DKK2: variants seen among roughly 807,000 people sequenced by gnomAD.
DKK2 encodes the protein dickkopf-related protein 2.
In DKK2, 11 loss-of-function variants were observed where a neutral mutation model predicts 28.1. That is an observed-to-expected ratio of 0.39 (90% CI 0.25 to 0.65). The LOEUF is 0.65. Ranked by LOEUF, DKK2 falls within the 30% of genes least tolerant of loss-of-function variation. DKK2 has a pLI of 0.47. For synonymous variants in DKK2, 135 were observed against 126.5 expected, an observed-to-expected ratio of 1.07 and a Z score of -0.45; for missense variants, 326 against 335.5, an observed-to-expected ratio of 0.97 and a Z score of 0.22.
chr4:106,934,388 G>A (rs1351553970), intron 1 of DKK2, among the ~76,000 whole-genome samples: 1 of 152,104 alleles, frequency 6.6e-6, no homozygotes, highest in Non-Finnish European at 1.5e-5. Flanking sequence ...TTTTCCTAGA[G>A]GCAGAGCTTT....
intron 1 of DKK2, among the ~76,000 whole-genome samples, chr4:106,982,354 A>C (rs1167758103): frequency 2.0e-5 from 3 of 152,170 alleles, no homozygotes; most frequent in African/African-American, 4.8e-5. Flanking sequence ...TAGTGTACTC[A>C]TCACCCCTTC....
chr4:107,024,837 T>C (rs934162580), intron 1 of DKK2, among the ~76,000 whole-genome samples: 1 of 152,216 alleles, frequency 6.6e-6, no homozygotes, highest in African/African-American at 2.4e-5. Flanking sequence ...CAAAATGATA[T>C]CCAATGCTCT....
chr4:107,000,053 T>C (rs1210716350), intron 1 of DKK2, among the ~76,000 whole-genome samples: 2 of 152,128 alleles, frequency 1.3e-5, no homozygotes, highest in Non-Finnish European at 2.9e-5. Context: ...AATGGGGTGA[T>C]AAAATAGAAT....
intron 1 of DKK2, among the ~76,000 whole-genome samples, chr4:106,953,635 A>C (rs1450027070): frequency 6.6e-6 from 1 of 152,124 alleles, no homozygotes; most frequent in Non-Finnish European, 1.5e-5. Context: ...AGAAGCTCAG[A>C]GGCTACTGAG....
At chr4:106,941,719 A>C (rs1367444897) in intron 1 of DKK2, among the ~76,000 whole-genome samples, 1 of 152,140 alleles carries the variant, frequency 6.6e-6, no homozygotes, top group Non-Finnish European at 1.5e-5. Flanking sequence ...AGGGTTAAGC[A>C]TCCTGCTAGA....
chr4:106,949,074 C>A (rs1466805474), intron 1 of DKK2, among the ~76,000 whole-genome samples: 1 of 152,096 alleles, frequency 6.6e-6, no homozygotes, highest in Non-Finnish European at 1.5e-5. Flanking sequence ...AAATGATGAT[C>A]TGTAAAATAG....
intron 1 of DKK2, among the ~76,000 whole-genome samples, chr4:106,960,131 T>TATATAC (rs1553921965): frequency 1.8e-4 from 26 of 147,266 alleles, no homozygotes; most frequent in Non-Finnish European, 1.1e-4. Flanking sequence ...TATATATATA[T>TATATAC]ACACACACAC....
At chr4:106,983,337 G>GAAGAAAGAAAGAAA (rs1723060026) in intron 1 of DKK2, among the ~76,000 whole-genome samples, 1 of 120,432 alleles carries the variant, frequency 8.3e-6, no homozygotes, top group African/African-American at 3.2e-5. Context: ...AGGAAGAAAG[G>GAAGAAAGAAAGAAA]AAGAAAGAAA....
chr4:107,001,199 G>A (rs1268574444), intron 1 of DKK2, among the ~76,000 whole-genome samples: 1 of 152,142 alleles, frequency 6.6e-6, no homozygotes, highest in African/African-American at 2.4e-5. Flanking sequence ...ACAAAGCCAA[G>A]TAATCTCAAG....
At chr4:106,954,910 T>G (rs562177335) in intron 1 of DKK2, among the ~76,000 whole-genome samples, 1 of 152,286 alleles carries the variant, frequency 6.6e-6, no homozygotes, top group Admixed American at 6.5e-5. Context: ...ACAGAACGCT[T>G]TATCTGTAGG....
rs180891383 is a variant in DKK2, at chr4:106,946,477, A to G, written c.223-20528T>C. Among the ~76,000 whole-genome samples the G allele has an allele frequency of 3.0e-4, 45 of 152,224 alleles. 1 individual carries two copies. The East Asian group carries it at 8.3e-3, about 28-fold the overall frequency. Reference sequence around the variant, plus strand: ...TGGCACATAGGGGTTCACTCATACTATTCTCTATATTTTTGTGTTATCTCT... The same window carrying G: ...TGGCACATAGGGGTTCACTCATACTGTTCTCTATATTTTTGTGTTATCTCT... On this transcript the variant is annotated intron_variant, in intron 1 of 3. Transcript: ENST00000285311.
At chr4:106,948,529 C>T (rs1355395496) in intron 1 of DKK2, among the ~76,000 whole-genome samples, 1 of 152,132 alleles carries the variant, frequency 6.6e-6, no homozygotes, top group Non-Finnish European at 1.5e-5. Flanking sequence ...AACTCACCAT[C>T]GGAATGAAAA....
intron 1 of DKK2, among the ~76,000 whole-genome samples, chr4:107,030,185 C>A (rs1033508718): frequency 6.6e-6 from 1 of 151,998 alleles, no homozygotes; most frequent in Non-Finnish European, 1.5e-5. Flanking sequence ...AAGAAAAGAA[C>A]CTACCAAATG....
At chr4:106,974,870 C>A (rs2110355609) in intron 1 of DKK2, among the ~76,000 whole-genome samples, 1 of 152,252 alleles carries the variant, frequency 6.6e-6, no homozygotes, top group East Asian at 1.9e-4. Flanking sequence ...ATGTTATTGG[C>A]TGTGGATCTG....
intron 1 of DKK2, among the ~76,000 whole-genome samples, chr4:106,979,692 C>T (rs893420297): frequency 6.6e-6 from 1 of 152,188 alleles, no homozygotes; most frequent in Admixed American, 6.5e-5. Context: ...ATCATGAGGG[C>T]TTGCACGTGT....
intron 1 of DKK2, among the ~76,000 whole-genome samples, chr4:106,964,024 A>G (rs1722730916): frequency 6.6e-6 from 1 of 151,978 alleles, no homozygotes; most frequent in Non-Finnish European, 1.5e-5. Flanking sequence ...GCATTTTTCT[A>G]TGTGTCTGTT....
In DKK2 at chr4:106,923,972, A is replaced by G. The variant is rs781126762; in HGVS notation, c.762T>C (p.His254=). Residue 254 remains histidine (H), a synonymous_variant, in exon 4 of 4, where the codon CAT becomes CAC. Transcript: ENST00000285311. ...ATGGTGATCAAATTTTCTGACACACATGGAGTCTGGCTTTGGAGGAGTAGG... is the reference window on the plus strand; with the variant it reads ...ATGGTGATCAAATTTTCTGACACACGTGGAGTCTGGCTTTGGAGGAGTAGG... The part of the protein sequence containing the change: ...DATYSSKARL[H]VCQKI 1 of 1,613,872 alleles carries G rather than the reference A, an allele frequency of 6.2e-7. No individual in the cohort carries two copies. Among genetic ancestry groups the G allele is most frequent in the East Asian group, 2.2e-5 (1 of 44,886 alleles).
chr4:106,961,592 C>A (rs1233089168), intron 1 of DKK2, among the ~76,000 whole-genome samples: 3 of 151,966 alleles, frequency 2.0e-5, no homozygotes, highest in Admixed American at 2.0e-4. Context: ...CACACACACA[C>A]ACACACAGTC....
intron 1 of DKK2, among the ~76,000 whole-genome samples, chr4:106,983,908 A>G (rs1723075649): frequency 6.6e-6 from 1 of 152,198 alleles, no homozygotes. Flanking sequence ...CCACAATAGG[A>G]TATCAGTACA....
Sources: gnomAD v4.1 joint callset for allele counts (sites outside exome capture counted in the v4.1 genomes callset) on GRCh38, gnomAD v4.1.1 for gene constraint, MANE v1.5 for transcripts, NCBI Gene and HGNC (gene_info 2026-07-23, HGNC 2026-07-21) for gene names.